The following PUM2 variants were observed in gnomAD, a reference collection of about 807,000 sequenced individuals.
The protein encoded by PUM2 is pumilio RNA binding family member 2.
In PUM2, 57 loss-of-function variants were observed where a neutral mutation model predicts 124.5. The observed-to-expected ratio is 0.46, with a 90% CI of 0.37 to 0.57. The LOEUF (loss-of-function observed/expected upper bound fraction) is 0.57, where lower values mean the gene tolerates loss of function less well. Ranked by LOEUF, PUM2 falls within the 20% of genes least tolerant of loss-of-function variation. The pLI, the probability that PUM2 is intolerant of heterozygous loss-of-function variation, is 0.00. For synonymous variants in PUM2, 460 were observed against 446.1 expected (o/e 1.03, Z -0.39); for missense variants, 1,065 against 1,290.6 (o/e 0.83, Z 2.68).
intron 13 of PUM2, among the ~76,000 whole-genome samples, chr2:20,267,968 C>T (rs986866330): frequency 3.9e-5 from 6 of 152,240 alleles, no homozygotes; most frequent in African/African-American, 1.4e-4. Flanking sequence ...CTACAAGTTT[C>T]ACCTTTATCC....
chr2:20,250,805 TAA>T lies in PUM2; in HGVS notation c.*778_*779del, dbSNP rs1663122760. The T allele has an allele frequency of 6.6e-6, 1 of 152,628 alleles. No individual in the cohort carries two copies. The highest frequency in any genetic ancestry group is 2.4e-5 in the African/African-American group (1 of 41,468). 9.5% of individuals were successfully genotyped at this position (152,628 alleles called of 1,614,324 possible). A position where few individuals can be genotyped will look rare whatever the true frequency, so the allele number is the denominator to read the frequency against. ...ATTGCAAACCAAACTGAAAAGTTAA[TAA>T]GTGACTTAACTTTTCATTTAGTGCA... is the stretch of plus-strand genomic sequence containing the variant. On this transcript the variant is annotated 3_prime_UTR_variant, in exon 21 of 21. Transcript: ENST00000361078.
chr2:20,332,556 C>A (rs549540798), intron 1 of PUM2, among the ~76,000 whole-genome samples: 3 of 152,114 alleles, frequency 2.0e-5, no homozygotes, highest in African/African-American at 7.2e-5. Flanking sequence ...AACTCTCAGG[C>A]AATACCATAT....
At chr2:20,272,759 A>G (rs1426743344) in intron 13 of PUM2, among the ~76,000 whole-genome samples, 2 of 152,204 alleles carry the variant, frequency 1.3e-5, no homozygotes, top group Non-Finnish European at 2.9e-5. Flanking sequence ...TGGTATCTTT[A>G]TAATAGGGAG....
At chr2:20,340,575 C>T (rs1687029093) in intron 1 of PUM2, among the ~76,000 whole-genome samples, 1 of 152,220 alleles carries the variant, frequency 6.6e-6, no homozygotes, top group Non-Finnish European at 1.5e-5. Flanking sequence ...TTATAAACTA[C>T]AGTTGCTCAG....
In PUM2 at chr2:20,286,195, C is replaced by T. The variant is rs143616613; in HGVS notation, c.1292-2709G>A. Among the ~76,000 whole-genome samples, 24 of 152,178 alleles carry T rather than the reference C, an allele frequency of 1.6e-4. No individual in the cohort carries two copies. The East Asian group carries it at 4.4e-3, about 28-fold the overall frequency. On this transcript the variant is annotated intron_variant, in intron 10 of 20. Coordinates refer to ENST00000361078, the MANE Select transcript of PUM2 (RefSeq NM_015317.5). ...AAGTTACTATGTAGAGAGAGGACTC[C>T]ATAGGGGAGAAAAGAGGGACAAGAA...
rs754502845 is a variant in PUM2, at chr2:20,327,303, CA to C, written c.51+6del. On this transcript the variant is annotated splice_donor_region_variant and intron_variant, in intron 2 of 20. Coordinates refer to ENST00000361078, the MANE Select transcript of PUM2 (RefSeq NM_015317.5). ...GGTGTAAGTTCTTAGTATTTGCAAA[CA>C]TTTACCTCTCCCATTCCCCGAGATT... The C allele has an allele frequency of 1.3e-6, 2 of 1,533,844 alleles. No individual in the cohort carries two copies. Among genetic ancestry groups the C allele is most frequent in the South Asian group, 1.1e-5 (1 of 88,534 alleles).
intron 12 of PUM2, among the ~76,000 whole-genome samples, chr2:20,279,400 G>A (rs938622417): frequency 1.3e-5 from 2 of 151,978 alleles, no homozygotes; most frequent in South Asian, 2.1e-4. Flanking sequence ...TTTACACTAC[G>A]CATTCTCCCT....
intron 5 of PUM2, among the ~76,000 whole-genome samples, chr2:20,310,319 C>T (rs1320257873): frequency 2.0e-5 from 3 of 151,894 alleles, no homozygotes; most frequent in Admixed American, 6.6e-5. Flanking sequence ...TCAGGGGAGA[C>T]GTATAACCTC....
At chr2:20,322,808 C>T (rs1682689403) in intron 2 of PUM2, among the ~76,000 whole-genome samples, 1 of 151,542 alleles carries the variant, frequency 6.6e-6, no homozygotes. Flanking sequence ...GCCTCCAAAA[C>T]AAAAAACAAA....
intron 1 of PUM2, among the ~76,000 whole-genome samples, chr2:20,344,432 A>C (rs1687821956): frequency 6.6e-6 from 1 of 152,184 alleles, no homozygotes; most frequent in South Asian, 2.1e-4. Context: ...ACTACACAGT[A>C]ATTCTCTAAG....
At chr2:20,254,048 ATTT>A (rs754142817) in intron 19 of PUM2, 34 bp from the exon 20 acceptor site, 3 of 1,565,002 alleles carry the variant, frequency 1.9e-6, no homozygotes, top group African/African-American at 2.7e-5. Context: ...AAGATTTGTT[ATTT>A]TTTTCTTCAC....
chr2:20,305,299 A>G (rs1677950849), intron 7 of PUM2, among the ~76,000 whole-genome samples: 1 of 151,978 alleles, frequency 6.6e-6, no homozygotes. Flanking sequence ...AGCCTGGACA[A>G]TAGGGTGAAT....
chr2:20,289,417 C>T (rs77952030), intron 10 of PUM2, among the ~76,000 whole-genome samples: 2 of 152,320 alleles, frequency 1.3e-5, no homozygotes, highest in South Asian at 2.1e-4. Flanking sequence ...TTCAGCCCAA[C>T]GTCCATGTGC....
chr2:20,303,676 A>G (rs1428925741), intron 7 of PUM2, among the ~76,000 whole-genome samples: 1 of 152,042 alleles, frequency 6.6e-6, no homozygotes, highest in East Asian at 1.9e-4. Context: ...TCTCCTTTAC[A>G]TTTCCCATGT....
intron 3 of PUM2, among the ~76,000 whole-genome samples, chr2:20,315,208 TA>T (rs372932431): frequency 2.6e-5 from 4 of 151,096 alleles, no homozygotes; most frequent in African/African-American, 9.7e-5. Context: ...TGATAAGGGT[TA>T]AAAAAAAGGT....
At chr2:20,263,710 AACTT>A (rs1189878459) in intron 13 of PUM2, among the ~76,000 whole-genome samples, 7 of 152,104 alleles carry the variant, frequency 4.6e-5, no homozygotes, top group Non-Finnish European at 1.0e-4. Context: ...CTTAGTTTAA[AACTT>A]AATTATATGA....
intron 7 of PUM2, among the ~76,000 whole-genome samples, chr2:20,304,742 G>A (rs1329392105): frequency 3.3e-5 from 5 of 152,214 alleles, no homozygotes; most frequent in Non-Finnish European, 7.4e-5. Flanking sequence ...GCTGACTTGA[G>A]ATCAGCTATA....
chr2:20,274,705 CA>C (rs1298574036), intron 13 of PUM2, among the ~76,000 whole-genome samples: 1 of 151,670 alleles, frequency 6.6e-6, no homozygotes, highest in African/African-American at 2.4e-5. Context: ...AGGTACAGGG[CA>C]AGAAGCCGTT....
At position 20,350,654 on chromosome 2, in the gene PUM2, G is replaced by A. The variant is rs988205175; in HGVS notation, c.-76C>T. Reference sequence around the variant, plus strand: ...GACACCGACCGTTGGGCACACGGCGGCGTCGCTCTTGGCGGTCCTCCCCCT... The same window carrying A: ...GACACCGACCGTTGGGCACACGGCGACGTCGCTCTTGGCGGTCCTCCCCCT... On this transcript the variant is annotated 5_prime_UTR_variant, in exon 1 of 21. Coordinates refer to ENST00000361078, the MANE Select transcript of PUM2 (RefSeq NM_015317.5). 7 of 985,362 alleles carry A rather than the reference G, an allele frequency of 7.1e-6. No homozygotes were observed. Among genetic ancestry groups the A allele is most frequent in the African/African-American group, 1.7e-5 (1 of 57,220 alleles). 61.0% of individuals were successfully genotyped at this position (985,362 alleles called of 1,614,324 possible).
Sources: gnomAD v4.1 joint callset for allele counts (sites outside exome capture counted in the v4.1 genomes callset) on GRCh38, gnomAD v4.1.1 for gene constraint, MANE v1.5 for transcripts, NCBI Gene and HGNC (gene_info 2026-07-23, HGNC 2026-07-21) for gene names.